The following MBD2 variants were observed in gnomAD, a reference collection of about 807,000 sequenced individuals.
The protein encoded by MBD2 is methyl-CpG-binding domain protein 2.
Under a neutral mutation model 39.3 loss-of-function variants are expected in MBD2, and 9 were observed. That is an observed-to-expected ratio of 0.23 (90% CI 0.14 to 0.40). The LOEUF is 0.40. Among genes scored for constraint, MBD2 ranks in the 10% least tolerant of loss-of-function variants. The pLI, the probability that MBD2 is intolerant of heterozygous loss-of-function variation, is 1.00. For synonymous variants in MBD2, 233 were observed against 211.1 expected (o/e 1.10, Z -0.90); for missense variants, 458 against 532.6 (o/e 0.86, Z 1.38).
At chr18:54,167,398 A>G (rs1405298365) in intron 3 of MBD2, among the ~76,000 whole-genome samples, 1 of 152,174 alleles carries the variant, frequency 6.6e-6, no homozygotes, top group Non-Finnish European at 1.5e-5. Context: ...CAGAATCTTC[A>G]ATTTATTTTC....
chr18:54,181,840 T>C (rs1413907171), intron 3 of MBD2, among the ~76,000 whole-genome samples: 1 of 152,212 alleles, frequency 6.6e-6, no homozygotes, highest in Non-Finnish European at 1.5e-5. Context: ...CCTTATCGCT[T>C]ATGCCCTAAC....
At chr18:54,195,149 G>A (rs1052039073) in intron 2 of MBD2, among the ~76,000 whole-genome samples, 1 of 152,006 alleles carries the variant, frequency 6.6e-6, no homozygotes, top group African/African-American at 2.4e-5. Context: ...AACCATCCAT[G>A]TCTATGAATA....
intron 2 of MBD2, chr18:54,202,866 C>T (rs574929138): frequency 1.8e-5 from 24 of 1,338,116 alleles, no homozygotes; most frequent in Middle Eastern, 4.8e-4. Context: ...AAACAAGTCA[C>T]AAATACAATG....
At chr18:54,184,136 A>C (rs769444928) in intron 3 of MBD2, among the ~76,000 whole-genome samples, 56 of 150,772 alleles carry the variant, frequency 3.7e-4, no homozygotes, top group South Asian at 6.3e-4. Context: ...CCCCCCACCC[A>C]AAAAAAAAGT....
intron 1 of MBD2, among the ~76,000 whole-genome samples, chr18:54,221,457 CA>C (rs11285730): frequency 0.82 from 110,573 of 135,228 alleles, 44,927 homozygotes; most frequent in East Asian, 0.98. Flanking sequence ...GACTCCGTCT[CA>C]AAAAAAAAAA....
At chr18:54,183,568 C>T (rs561894863) in intron 3 of MBD2, among the ~76,000 whole-genome samples, 18 of 152,046 alleles carry the variant, frequency 1.2e-4, no homozygotes, top group Non-Finnish European at 2.4e-4. Flanking sequence ...ATTTAAAGAC[C>T]GAAACTTGTC....
chr18:54,164,471 T>C, intron 5 of MBD2, 52 bp downstream of exon 5: 1 of 1,543,136 alleles, frequency 6.5e-7, no homozygotes, highest in Non-Finnish European at 8.9e-7. Flanking sequence ...CAGTAAAAAA[T>C]TTACCCAAAC....
At chr18:54,173,996 T>C (rs2086194677) in intron 3 of MBD2, among the ~76,000 whole-genome samples, 1 of 152,046 alleles carries the variant, frequency 6.6e-6, no homozygotes, top group African/African-American at 2.4e-5. Context: ...GAATAGAAGG[T>C]GGGAGAGAAT....
At chr18:54,206,131 G>C (rs2086448326) in intron 1 of MBD2, among the ~76,000 whole-genome samples, 1 of 152,174 alleles carries the variant, frequency 6.6e-6, no homozygotes, top group African/African-American at 2.4e-5. Context: ...GAACATGCTT[G>C]TACAATGCTG....
At chr18:54,159,051 C>T (rs11877833) in intron 6 of MBD2, among the ~76,000 whole-genome samples, 44,659 of 152,070 alleles carry the variant, frequency 0.29, 7,643 homozygotes, top group East Asian at 0.56. Context: ...CCTGCTTTGC[C>T]ACCATAATTT....
intron 3 of MBD2, among the ~76,000 whole-genome samples, chr18:54,181,327 T>C (rs1297792913): frequency 6.6e-6 from 1 of 152,210 alleles, no homozygotes; most frequent in East Asian, 1.9e-4. Context: ...ATGCAACAAT[T>C]ACTTTAAGAG....
At chr18:54,223,651 T>C (rs1180416568) in intron 1 of MBD2, among the ~76,000 whole-genome samples, 2 of 152,234 alleles carry the variant, frequency 1.3e-5, no homozygotes, top group African/African-American at 4.8e-5. Context: ...ACACTTGTGA[T>C]GATGAATCTG....
At chr18:54,220,108 G>C (rs2086597650) in intron 1 of MBD2, among the ~76,000 whole-genome samples, 1 of 152,116 alleles carries the variant, frequency 6.6e-6, no homozygotes. Flanking sequence ...ACCTAGACTT[G>C]ATTTTTTTAA....
intron 2 of MBD2, among the ~76,000 whole-genome samples, chr18:54,194,604 T>C (rs2086351364): frequency 6.6e-6 from 1 of 151,784 alleles, no homozygotes; most frequent in South Asian, 2.1e-4. Context: ...TTTAAATAAT[T>C]TTATGTTCTC....
rs2086043043 is a variant in MBD2 at position 54,155,094 on chromosome 18, T to C, written c.*230A>G. The C allele has an allele frequency of 6.6e-6, 1 of 152,552 alleles. No homozygotes were observed. The highest frequency in any genetic ancestry group is 1.5e-5 in the Non-Finnish European group (1 of 68,014). 9.4% of individuals were successfully genotyped at this position (152,552 alleles called of 1,614,324 possible). On this transcript the variant is annotated 3_prime_UTR_variant, in exon 7 of 7. Transcript: ENST00000256429. ...TTCATCTTAGGGTCCTGCTTGATAT[T>C]ACAAAAGACTAATTTTAAGTCCTAG...
At chr18:54,177,565 C>T (rs1389264497) in intron 3 of MBD2, among the ~76,000 whole-genome samples, 1 of 152,006 alleles carries the variant, frequency 6.6e-6, no homozygotes, top group Non-Finnish European at 1.5e-5. Flanking sequence ...ACTGCAAGCT[C>T]CGCCTCCCGC....
intron 3 of MBD2, among the ~76,000 whole-genome samples, chr18:54,173,244 T>C (rs2086190415): frequency 6.6e-6 from 1 of 152,100 alleles, no homozygotes; most frequent in Non-Finnish European, 1.5e-5. Flanking sequence ...TGGGAGTACT[T>C]TGGTAAGCAG....
At chr18:54,213,142 T>A (rs2086524032) in intron 1 of MBD2, among the ~76,000 whole-genome samples, 1 of 151,702 alleles carries the variant, frequency 6.6e-6, no homozygotes, top group African/African-American at 2.4e-5. Context: ...TAAATTACTA[T>A]AGCTAATAGT....
intron 2 of MBD2, among the ~76,000 whole-genome samples, chr18:54,203,774 C>G (rs9958418): frequency 0.075 from 11,451 of 152,104 alleles, 1,450 homozygotes; most frequent in African/African-American, 0.26. Context: ...CAATGCAGGC[C>G]ACCAGGCAAC....
Sources: gnomAD v4.1 joint callset for allele counts (sites outside exome capture counted in the v4.1 genomes callset) on GRCh38, gnomAD v4.1.1 for gene constraint, MANE v1.5 for transcripts, NCBI Gene and HGNC (gene_info 2026-07-23, HGNC 2026-07-21) for gene names.